The following SNX29 variants were observed in gnomAD, a reference collection of about 807,000 sequenced individuals.
SNX29 encodes sorting nexin 29, also known as sorting nexin-29.
A neutral mutation model predicts 102.1 loss-of-function variants in SNX29; 78 were observed. That is an observed-to-expected ratio of 0.76 (90% CI 0.64 to 0.92). The LOEUF (loss-of-function observed/expected upper bound fraction) is 0.92. Ranked by LOEUF, SNX29 falls within the 40% of genes least tolerant of loss-of-function variation. The probability of loss-of-function intolerance (pLI) is 0.00; values close to 1 mark genes in which losing one functional copy is unlikely to be tolerated. For missense variants in SNX29, 1,280 were observed against 1,061.7 expected, an observed-to-expected ratio of 1.21 and a Z score of -2.86; for synonymous variants, 580 against 414.5, an observed-to-expected ratio of 1.40 and a Z score of -4.85.
intron 14 of SNX29, among the ~76,000 whole-genome samples, chr16:12,235,692 C>T (rs972700309): frequency 1.3e-5 from 2 of 152,064 alleles, no homozygotes; most frequent in Admixed American, 6.5e-5. Flanking sequence ...AAAAGACTTG[C>T]ATCCACATTT....
At chr16:12,133,317 A>T (rs350287) in intron 13 of SNX29, among the ~76,000 whole-genome samples, 1 of 126,128 alleles carries the variant, frequency 7.9e-6, no homozygotes, top group Admixed American at 8.8e-5. Flanking sequence ...TTAAGATAGT[A>T]TCTCACTCTG....
At chr16:12,080,877 T>C (rs1277000406) in intron 11 of SNX29, among the ~76,000 whole-genome samples, 3 of 151,764 alleles carry the variant, frequency 2.0e-5, no homozygotes, top group Non-Finnish European at 4.4e-5. Flanking sequence ...AGAGATGGGG[T>C]TTCGCCATGT....
At chr16:12,050,321 C>T (rs2050250005) in intron 7 of SNX29, among the ~76,000 whole-genome samples, 1 of 152,204 alleles carries the variant, frequency 6.6e-6, no homozygotes, top group Admixed American at 6.5e-5. Context: ...AAAATAGGGG[C>T]ACAAAGTGTC....
At chr16:12,320,562 CAT>C (rs1249466771) in intron 15 of SNX29, among the ~76,000 whole-genome samples, 1 of 152,146 alleles carries the variant, frequency 6.6e-6, no homozygotes, top group Non-Finnish European at 1.5e-5. Context: ...TAAGATTAAC[CAT>C]GTGTGTGTTT....
chr16:12,566,285 G>A (rs1598108530), intron 20 of SNX29, among the ~76,000 whole-genome samples: 2 of 152,252 alleles, frequency 1.3e-5, no homozygotes, highest in Middle Eastern at 3.4e-3. Context: ...CAGCAGGACT[G>A]GACAGAGACA....
chr16:12,101,550 A>G (rs1294736479), intron 11 of SNX29, among the ~76,000 whole-genome samples: 1 of 151,606 alleles, frequency 6.6e-6, no homozygotes, highest in Admixed American at 6.6e-5. Flanking sequence ...TGCCTGGCCA[A>G]TTTTTGTATT....
In SNX29 at chr16:12,569,245, C is replaced by G. The variant is rs1156364884; in HGVS notation, c.*616C>G. ...ATATTCCTGTGGCTTTGGCAAGGAG[C>G]CATTAGTGATGTGCAACTTGAGTTC... On this transcript the variant is annotated 3_prime_UTR_variant, in exon 21 of 21. Transcript: ENST00000566228. 1 of 226,034 alleles carries G rather than the reference C, an allele frequency of 4.4e-6. No homozygotes were observed. Among genetic ancestry groups the G allele is most frequent in the Non-Finnish European group, 8.8e-6 (1 of 113,856 alleles). The allele number at this position is 226,034 out of a possible 1,614,324, so 14.0% of individuals were successfully genotyped here. A position where few individuals can be genotyped will look rare whatever the true frequency, so the allele number is the denominator to read the frequency against.
At chr16:12,370,423 G>C (rs1340108358) in intron 16 of SNX29, among the ~76,000 whole-genome samples, 1 of 152,192 alleles carries the variant, frequency 6.6e-6, no homozygotes, top group Non-Finnish European at 1.5e-5. Flanking sequence ...AGCTGGGTTT[G>C]ATGGCAAGTG....
At chr16:12,269,991 G>A (rs975334098) in intron 14 of SNX29, among the ~76,000 whole-genome samples, 2 of 152,048 alleles carry the variant, frequency 1.3e-5, no homozygotes, top group African/African-American at 4.8e-5. Context: ...CTTCCGAGTA[G>A]CTGGGACTGC....
At chr16:12,090,489 T>A (rs2052472185) in intron 11 of SNX29, among the ~76,000 whole-genome samples, 1 of 152,190 alleles carries the variant, frequency 6.6e-6, no homozygotes, top group Non-Finnish European at 1.5e-5. Context: ...AAGTCACATC[T>A]GGAGACCCCC....
chr16:12,568,251 C>T (rs771234602), intron 20 of SNX29, among the ~76,000 whole-genome samples: 1 of 150,294 alleles, frequency 6.7e-6, no homozygotes. Context: ...ACGGTGGTAC[C>T]ATGAGCTAGC....
intron 20 of SNX29, among the ~76,000 whole-genome samples, chr16:12,561,760 A>G (rs993595888): frequency 1.3e-4 from 20 of 152,070 alleles, no homozygotes; most frequent in Admixed American, 1.0e-3. Context: ...TTCTGAAATG[A>G]ACACCAAAGC....
At chr16:12,433,457 C>CCCGT (rs2085396522) in intron 18 of SNX29, among the ~76,000 whole-genome samples, 1 of 151,904 alleles carries the variant, frequency 6.6e-6, no homozygotes, top group Non-Finnish European at 1.5e-5. Flanking sequence ...ATGGTGAAAC[C>CCCGT]CCGTCTCTAC....
chr16:12,141,996 A>T (rs2054884814), intron 13 of SNX29, among the ~76,000 whole-genome samples: 1 of 152,160 alleles, frequency 6.6e-6, no homozygotes, highest in Admixed American at 6.5e-5. Flanking sequence ...AACACCTCCA[A>T]CAATAGCACT....
At chr16:12,273,458 A>G (rs947672026) in intron 14 of SNX29, among the ~76,000 whole-genome samples, 6 of 151,716 alleles carry the variant, frequency 4.0e-5, no homozygotes, top group African/African-American at 1.5e-4. Flanking sequence ...TCCCGGATTC[A>G]AGTGATTGTC....
At chr16:12,050,459 C>T (rs117921687) in intron 7 of SNX29, among the ~76,000 whole-genome samples, 1,874 of 152,204 alleles carry the variant, frequency 0.012, 29 homozygotes, top group Admixed American at 0.018. Flanking sequence ...TGTGGGTTGG[C>T]ATGGTGGCTC....
intron 14 of SNX29, among the ~76,000 whole-genome samples, chr16:12,203,035 A>G (rs879211611): frequency 4.9e-4 from 53 of 108,814 alleles, no homozygotes; most frequent in Middle Eastern, 7.2e-3. Context: ...GTTGCGTAGC[A>G]TGGCCCTGCT....
chr16:12,503,786 G>A (rs1207986586), intron 19 of SNX29, among the ~76,000 whole-genome samples: 3 of 152,066 alleles, frequency 2.0e-5, no homozygotes, highest in East Asian at 3.8e-4. Flanking sequence ...GGCAATACCC[G>A]CTGCAGAAAG....
chr16:12,302,147 G>T (rs142112492), intron 15 of SNX29, among the ~76,000 whole-genome samples: 66 of 152,254 alleles, frequency 4.3e-4, no homozygotes, highest in African/African-American at 1.3e-3. Context: ...TTTTGTAAAG[G>T]GCCAGAGGGT....
Sources: allele counts gnomAD v4.1 joint callset (sites outside exome capture counted in the v4.1 genomes callset), GRCh38; gene constraint gnomAD v4.1.1; transcripts MANE v1.5; gene names NCBI Gene and HGNC (gene_info 2026-07-23, HGNC 2026-07-21).